SNTG1: variants seen among roughly 807,000 people sequenced by gnomAD.
The protein encoded by SNTG1 is gamma-1-syntrophin.
In SNTG1, 39 loss-of-function variants were observed where a neutral mutation model predicts 74.7. The observed-to-expected ratio is 0.52, with a 90% CI of 0.40 to 0.68. SNTG1 has a LOEUF of 0.68. Among genes scored for constraint, SNTG1 ranks in the 30% least tolerant of loss-of-function variants. The probability of loss-of-function intolerance (pLI) is 0.00; values close to 1 mark genes in which losing one functional copy is unlikely to be tolerated. For synonymous variants in SNTG1, 254 were observed against 217.1 expected, an observed-to-expected ratio of 1.17 and a Z score of -1.49; for missense variants, 685 against 609.5, an observed-to-expected ratio of 1.12 and a Z score of -1.30.
chr8:50,605,027 C>T (rs1326256048), intron 13 of SNTG1, among the ~76,000 whole-genome samples: 2 of 152,194 alleles, frequency 1.3e-5, no homozygotes, highest in East Asian at 3.9e-4. Context: ...CAAGGTGTAT[C>T]TAGAAATGTC....
At chr8:50,134,154 G>A (rs2081399527) in intron 1 of SNTG1, among the ~76,000 whole-genome samples, 1 of 152,122 alleles carries the variant, frequency 6.6e-6, no homozygotes, top group South Asian at 2.1e-4. Context: ...TGGTGGTGGT[G>A]GGTTAATATC....
At chr8:50,338,052 C>T (rs2091204454) in intron 2 of SNTG1, among the ~76,000 whole-genome samples, 2 of 151,490 alleles carry the variant, frequency 1.3e-5, no homozygotes, top group Admixed American at 6.6e-5. Context: ...AGGAGAATGG[C>T]GTGAACCTGG....
At chr8:50,782,613 T>G (rs1316218679) in intron 18 of SNTG1, among the ~76,000 whole-genome samples, 1 of 149,944 alleles carries the variant, frequency 6.7e-6, no homozygotes, top group Non-Finnish European at 1.5e-5. Context: ...CGTCTAAATT[T>G]TTTTCAAAGG....
chr8:50,086,998 T>A (rs374996481), intron 1 of SNTG1, among the ~76,000 whole-genome samples: 98 of 152,250 alleles, frequency 6.4e-4, no homozygotes, highest in African/African-American at 2.4e-3. Flanking sequence ...TAAGGCAAGG[T>A]CATTGTTCTT....
chr8:50,655,384 A>G (rs2095173659), intron 13 of SNTG1, among the ~76,000 whole-genome samples: 1 of 152,174 alleles, frequency 6.6e-6, no homozygotes, highest in Non-Finnish European at 1.5e-5. Context: ...ATACAAAATA[A>G]TCAGTTATTA....
intron 1 of SNTG1, among the ~76,000 whole-genome samples, chr8:50,109,763 A>G (rs1172796977): frequency 1.3e-5 from 2 of 152,144 alleles, no homozygotes; most frequent in African/African-American, 2.4e-5. Context: ...GAAATTGAGA[A>G]CAGAGAGTTT....
At chr8:50,246,622 G>A (rs1375912908) in intron 2 of SNTG1, among the ~76,000 whole-genome samples, 1 of 151,876 alleles carries the variant, frequency 6.6e-6, no homozygotes, top group Non-Finnish European at 1.5e-5. Context: ...GCCCTTGTTT[G>A]ATGAGAGGAA....
intron 1 of SNTG1, among the ~76,000 whole-genome samples, chr8:49,957,666 C>G (rs960054263): frequency 6.6e-5 from 10 of 152,172 alleles, no homozygotes; most frequent in Admixed American, 3.3e-4. Context: ...TCAGTCTGAG[C>G]CAGGTTACTT....
intron 17 of SNTG1, among the ~76,000 whole-genome samples, chr8:50,735,625 A>G (rs1168383185): frequency 6.6e-6 from 1 of 152,032 alleles, no homozygotes; most frequent in Non-Finnish European, 1.5e-5. Flanking sequence ...GAACTGTGTG[A>G]AAAGACCAAA....
chr8:50,393,997 G>A (rs926940707), intron 2 of SNTG1, among the ~76,000 whole-genome samples: 1 of 152,186 alleles, frequency 6.6e-6, no homozygotes. Context: ...CTGAATGATG[G>A]CAGGATATTT....
intron 2 of SNTG1, among the ~76,000 whole-genome samples, chr8:50,190,577 T>C (rs1313915061): frequency 5.3e-5 from 8 of 152,164 alleles, no homozygotes; most frequent in Admixed American, 5.2e-4. Context: ...ATCACACTGG[T>C]GTTCTTTTCT....
At chr8:50,562,645 G>A (rs749386504) in intron 12 of SNTG1, among the ~76,000 whole-genome samples, 7 of 152,142 alleles carry the variant, frequency 4.6e-5, no homozygotes, top group Admixed American at 2.0e-4. Flanking sequence ...GTAGGAATTT[G>A]ATATGACAAC....
intron 1 of SNTG1, among the ~76,000 whole-genome samples, chr8:50,150,907 G>C (rs1277923806): frequency 6.6e-6 from 1 of 152,144 alleles, no homozygotes; most frequent in Non-Finnish European, 1.5e-5. Flanking sequence ...TTTGGTATCA[G>C]GATGATGCTG....
Position 50,377,174 on chromosome 8 carries a change from T to G in SNTG1, c.-27-17038T>G, listed in dbSNP as rs2092403532. On this transcript the variant is annotated intron_variant, in intron 2 of 18. Transcript: ENST00000642720. ...AGGTGAAATTTTGATGTAAGTGAGTTTGGCTGAATTTTTGAAATGGTAAAA... is the reference window on the plus strand; with the variant it reads ...AGGTGAAATTTTGATGTAAGTGAGTGTGGCTGAATTTTTGAAATGGTAAAA... 2.0e-5 allele frequency among the ~76,000 whole-genome samples: 3 copies of G among 149,350 alleles called. No individual in the cohort carries two copies. The Admixed American group carries it at 2.0e-4, about 10-fold the overall frequency.
rs569849954 is a variant in SNTG1 at position 50,172,553 on chromosome 8, G to A, written c.-102-8G>A. On this transcript the variant is annotated splice_region_variant and splice_polypyrimidine_tract_variant and intron_variant, in intron 1 of 18. Transcript: ENST00000642720. ...ATAGGACTTATTTTTTTTTATTTCT[G>A]CATCTAGACTGCTCTCCAGAATGTT... is the stretch of plus-strand genomic sequence containing the variant. 2 of 151,326 alleles carry A rather than the reference G, an allele frequency of 1.3e-5. No homozygotes were observed. The highest frequency in any genetic ancestry group is 2.9e-5 in the Non-Finnish European group (2 of 67,876). 9.4% of individuals were successfully genotyped at this position (151,326 alleles called of 1,614,324 possible).
intron 1 of SNTG1, among the ~76,000 whole-genome samples, chr8:50,037,574 A>T (rs972301460): frequency 4.6e-5 from 7 of 152,258 alleles, no homozygotes; most frequent in Non-Finnish European, 4.4e-5. Flanking sequence ...ATTTAAAATT[A>T]TCCTGCTTCT....
At chr8:50,128,120 G>C (rs2081204514) in intron 1 of SNTG1, among the ~76,000 whole-genome samples, 1 of 152,098 alleles carries the variant, frequency 6.6e-6, no homozygotes, top group Non-Finnish European at 1.5e-5. Context: ...ACTCTCCACT[G>C]AGGAATCACA....
At chr8:50,732,893 T>A (rs916486226) in intron 17 of SNTG1, among the ~76,000 whole-genome samples, 7 of 152,020 alleles carry the variant, frequency 4.6e-5, no homozygotes, top group African/African-American at 1.4e-4. Flanking sequence ...TTTCCTTTTT[T>A]AAAAAATAAC....
At chr8:49,952,678 C>A (rs2129393504) in intron 1 of SNTG1, among the ~76,000 whole-genome samples, 1 of 152,312 alleles carries the variant, frequency 6.6e-6, no homozygotes, top group Middle Eastern at 3.4e-3. Context: ...TAGGATTGTG[C>A]AGAGGCTGAT....
Sources: gnomAD v4.1 joint callset for allele counts (sites outside exome capture counted in the v4.1 genomes callset) on GRCh38, gnomAD v4.1.1 for gene constraint, MANE v1.5 for transcripts, NCBI Gene and HGNC (gene_info 2026-07-23, HGNC 2026-07-21) for gene names.